Variants in IKBKB-DT observed in about 807,000 individuals in gnomAD.
IKBKB-DT encodes the protein IKBKB antisense RNA.
At chr8:42,269,587 T>TGGAGG (rs1378703715) in intron 1 of IKBKB-DT, among the ~76,000 whole-genome samples, 4 of 28,406 alleles carry the variant, frequency 1.4e-4, no homozygotes, top group Admixed American at 5.5e-4. Context: ...GGGAGGGGAG[T>TGGAGG]GGAGGGGAGG....
intron 3 of IKBKB-DT, among the ~76,000 whole-genome samples, chr8:42,258,856 CTAAGCAATCATTAAGAAAT>C (rs1261821016): frequency 2.6e-5 from 4 of 152,194 alleles, no homozygotes; most frequent in South Asian, 4.1e-4. Flanking sequence ...TCACTAGAAA[CTAAGCAATCATTAAGAAAT>C]TAAGCAATCA....
intron 3 of IKBKB-DT, among the ~76,000 whole-genome samples, chr8:42,252,209 G>A (rs889087678): frequency 2.0e-5 from 3 of 152,136 alleles, no homozygotes; most frequent in Non-Finnish European, 2.9e-5. Context: ...CAGCTTCTTC[G>A]CACTATGCAA....
intron 3 of IKBKB-DT, among the ~76,000 whole-genome samples, chr8:42,259,415 A>G (rs1254312529): frequency 3.9e-5 from 6 of 152,226 alleles, no homozygotes; most frequent in Non-Finnish European, 7.3e-5. Context: ...AAGAGTAGAC[A>G]GACCTATATT....
intron 3 of IKBKB-DT, among the ~76,000 whole-genome samples, chr8:42,261,659 T>G (rs1807290431): frequency 6.6e-6 from 1 of 152,224 alleles, no homozygotes; most frequent in African/African-American, 2.4e-5. Context: ...CTTTCAAAAC[T>G]TGAGCCTCTC....
At position 42,250,169 on chromosome 8, in the gene IKBKB-DT, G is replaced by A. The variant is rs1156970839; in HGVS notation, n.1529+13160C>T. Among the ~76,000 whole-genome samples the A allele has an allele frequency of 2.6e-5, 4 of 152,046 alleles. No homozygotes were observed. In the South Asian group the frequency reaches 6.2e-4, roughly 24 times the overall value. On this transcript the variant is annotated intron_variant and non_coding_transcript_variant, in intron 3 of 3. Coordinates refer to ENST00000518213, the Ensembl canonical transcript of IKBKB-DT. ...AAGGTAGTTTGGGGAAAGGGGTTGG[G>A]GTGACTAGGTAATGATTGCTTGCTG...
intron 1 of IKBKB-DT, among the ~76,000 whole-genome samples, chr8:42,267,355 C>T (rs181052727): frequency 9.7e-4 from 148 of 152,212 alleles, no homozygotes; most frequent in African/African-American, 3.3e-3. Flanking sequence ...TTCTTTCTTG[C>T]GCGAGATCCA....
chr8:42,243,989 C>G lies in IKBKB-DT; in HGVS notation n.1530-10130G>C, dbSNP rs182969549. 6.5e-3 allele frequency among the ~76,000 whole-genome samples: 997 copies of G among 152,274 alleles called. 7 individuals are homozygous for G. The highest frequency in any genetic ancestry group is 7.8e-3 in the Non-Finnish European group (532 of 68,030). ...TCTACTGCTGCCCCATTAGGGAATT[C>G]TAATCTAACTCCAAGCCTGTATGCC... On this transcript the variant is annotated intron_variant and non_coding_transcript_variant, in intron 3 of 3. Coordinates refer to ENST00000518213, the Ensembl canonical transcript of IKBKB-DT.
intron 3 of IKBKB-DT, among the ~76,000 whole-genome samples, chr8:42,254,349 G>A (rs987183178): frequency 2.0e-5 from 3 of 152,240 alleles, no homozygotes; most frequent in African/African-American, 4.8e-5. Flanking sequence ...AGTGCAACAA[G>A]AGTAGTGATT....
intron 3 of IKBKB-DT, among the ~76,000 whole-genome samples, chr8:42,238,333 C>T (rs1806951090): frequency 6.6e-6 from 1 of 152,194 alleles, no homozygotes; most frequent in Non-Finnish European, 1.5e-5. Flanking sequence ...TGACTGTCCT[C>T]ACTCATTCCT....
intron 3 of IKBKB-DT, among the ~76,000 whole-genome samples, chr8:42,239,636 T>TATATATATATATATATATA (rs55662464): frequency 0.029 from 817 of 27,876 alleles, 49 homozygotes; most frequent in East Asian, 0.055. Flanking sequence ...ATATATATAT[T>TATATATATATATATATATA]TATTTATTTA....
chr8:42,246,616 T>G (rs1287825475), intron 3 of IKBKB-DT, among the ~76,000 whole-genome samples: 2 of 152,204 alleles, frequency 1.3e-5, no homozygotes, highest in Non-Finnish European at 2.9e-5. Flanking sequence ...AACATCTATG[T>G]GCAATGGATA....
chr8:42,248,576 G>A (rs138578723), intron 3 of IKBKB-DT, among the ~76,000 whole-genome samples: 1 of 152,164 alleles, frequency 6.6e-6, no homozygotes, highest in African/African-American at 2.4e-5. Flanking sequence ...GGGTGGGTAT[G>A]CCTTTTTTTA....
At chr8:42,248,568 G>A (rs558939038) in intron 3 of IKBKB-DT, among the ~76,000 whole-genome samples, 53 of 152,224 alleles carry the variant, frequency 3.5e-4, no homozygotes, top group African/African-American at 1.3e-3. Flanking sequence ...CTTTAATTGG[G>A]TGGGTATGCC....
rs1259844975 is a variant in IKBKB-DT, at chr8:42,261,251, T to C, written n.1529+2078A>G. Among the ~76,000 whole-genome samples the C allele has an allele frequency of 2.0e-5, 3 of 152,200 alleles. No individual in the cohort carries two copies. The East Asian group carries it at 5.8e-4, about 29-fold the overall frequency. On this transcript the variant is annotated intron_variant and non_coding_transcript_variant, in intron 3 of 3. Transcript: ENST00000518213. ...CTGAGATGGGAGGATTGCTTAAGCC[T>C]GAGGAGGTCGAGGCTGCAGTGAGCC... is the stretch of plus-strand genomic sequence containing the variant.
At chr8:42,239,578 T>C (rs1440552268) in intron 3 of IKBKB-DT, among the ~76,000 whole-genome samples, 11 of 132,738 alleles carry the variant, frequency 8.3e-5, no homozygotes, top group Non-Finnish European at 1.6e-4. Flanking sequence ...TTTTGAATGG[T>C]TTCAAATGAG....
intron 3 of IKBKB-DT, among the ~76,000 whole-genome samples, chr8:42,252,803 G>A (rs1807145232): frequency 6.6e-6 from 1 of 152,188 alleles, no homozygotes; most frequent in Non-Finnish European, 1.5e-5. Context: ...GTACAAAGGG[G>A]TCATTCCTCT....
chr8:42,245,203 T>G lies in IKBKB-DT; in HGVS notation n.1530-11344A>C, dbSNP rs933389773. Among the ~76,000 whole-genome samples, 3 of 152,240 alleles carry G rather than the reference T, an allele frequency of 2.0e-5. No homozygotes were observed. In the East Asian group the frequency reaches 5.8e-4, roughly 29 times the overall value. Reference sequence around the variant, plus strand: ...CCAGGAGGTGGAGGTTGCAGTTAGCTGAGATCGCACCACTGCACTCCAACC... The same window carrying G: ...CCAGGAGGTGGAGGTTGCAGTTAGCGGAGATCGCACCACTGCACTCCAACC... On this transcript the variant is annotated intron_variant and non_coding_transcript_variant, in intron 3 of 3. Transcript: ENST00000518213.
chr8:42,249,584 A>T (rs1468990347), intron 3 of IKBKB-DT, among the ~76,000 whole-genome samples: 1 of 152,066 alleles, frequency 6.6e-6, no homozygotes, highest in Non-Finnish European at 1.5e-5. Context: ...AAGCTCTACT[A>T]GAAGGCCATG....
intron 3 of IKBKB-DT, among the ~76,000 whole-genome samples, chr8:42,250,796 T>C (rs1217220086): frequency 6.6e-6 from 1 of 152,152 alleles, no homozygotes; most frequent in East Asian, 1.9e-4. Flanking sequence ...GGCAGAAGGA[T>C]TGCTAGAACC....
Sources: allele counts gnomAD v4.1 joint callset (sites outside exome capture counted in the v4.1 genomes callset), GRCh38; gene constraint gnomAD v4.1.1; transcripts MANE v1.5; gene names NCBI Gene and HGNC (gene_info 2026-07-23, HGNC 2026-07-21).